DYNC2H1: variants seen among roughly 807,000 people sequenced by gnomAD.
The protein encoded by DYNC2H1 is dynein cytoplasmic 2 heavy chain 1, also known as cytoplasmic dynein 2 heavy chain 1.
A neutral mutation model predicts 570.0 loss-of-function variants in DYNC2H1; 410 were observed. That is an observed-to-expected ratio of 0.72 (90% CI 0.66 to 0.78). DYNC2H1 has a LOEUF of 0.78. Among genes scored for constraint, DYNC2H1 ranks in the 30% least tolerant of loss-of-function variants. The pLI, the probability that DYNC2H1 is intolerant of heterozygous loss-of-function variation, is 0.00. For synonymous variants in DYNC2H1, 1,688 were observed against 1,677.6 expected (o/e 1.01, Z -0.15); for missense variants, 4,865 against 5,046.4 (o/e 0.96, Z 1.09).
intron 83 of DYNC2H1, among the ~76,000 whole-genome samples, chr11:103,376,278 A>G (rs1441425118): frequency 1.3e-5 from 2 of 152,214 alleles, no homozygotes; most frequent in African/African-American, 4.8e-5. Flanking sequence ...TAGCAATGTG[A>G]GAACAGACTA....
chr11:103,173,128 C>T lies in DYNC2H1; in HGVS notation c.5381C>T (p.Ala1794Val), dbSNP rs548041511. 1 of 1,497,756 alleles carries T rather than the reference C, an allele frequency of 6.7e-7. No individual in the cohort carries two copies. Among genetic ancestry groups the T allele is most frequent in the African/African-American group, 1.4e-5 (1 of 70,338 alleles). The allele number at this position is 1,497,756 out of a possible 1,614,324, so 92.8% of individuals were successfully genotyped here. The change falls in exon 35 of 89, where the codon GCT (alanine) becomes GTT (valine). Residue 1794 changes from alanine to valine, a missense_variant. By Grantham distance (64) the Ala-to-Val change is moderately conservative. Transcript: ENST00000375735. ...NSGIFITMNP[A>V]GKGYGGRQKL... Reference sequence around the variant, plus strand: ...GGAATTTTTATCACTATGAATCCTGCTGGAAAAGGTTATGGAGGAAGACAA... The same window carrying T: ...GGAATTTTTATCACTATGAATCCTGTTGGAAAAGGTTATGGAGGAAGACAA...
rs554132464 is a variant in DYNC2H1, at chr11:103,299,373, T to C, written c.11096-3720T>C. ...ATCAGGTTTAAACAATGCCCAGTTA[T>C]CATCTTCTGCAGGTCAGAAACCTGA... On this transcript the variant is annotated intron_variant, in intron 75 of 88. Transcript: ENST00000375735. The surrounding 1 kb of genome is among the most constrained non-coding windows in gnomAD (Gnocchi z 4.5). Among the ~76,000 whole-genome samples the C allele has an allele frequency of 2.0e-5, 3 of 152,272 alleles. No homozygotes were observed. The South Asian group carries it at 6.2e-4, about 32-fold the overall frequency.
chr11:103,397,179 C>G (rs1315960247), intron 83 of DYNC2H1, among the ~76,000 whole-genome samples: 1 of 152,130 alleles, frequency 6.6e-6, no homozygotes, highest in African/African-American at 2.4e-5. Flanking sequence ...AAACCTTATT[C>G]CCTCCTAGCA....
At chr11:103,212,520 A>C (rs1863197900) in intron 54 of DYNC2H1, among the ~76,000 whole-genome samples, 1 of 152,078 alleles carries the variant, frequency 6.6e-6, no homozygotes, top group Middle Eastern at 3.2e-3. Flanking sequence ...ATATTTTATA[A>C]TAACCTTTAA....
chr11:103,310,354 T>G (rs1867518089), intron 78 of DYNC2H1, among the ~76,000 whole-genome samples: 1 of 152,134 alleles, frequency 6.6e-6, no homozygotes, highest in Non-Finnish European at 1.5e-5. Flanking sequence ...AGTCTGAATT[T>G]GCAGCTTAAT....
intron 65 of DYNC2H1, among the ~76,000 whole-genome samples, chr11:103,247,226 A>C (rs753373613): frequency 6.6e-5 from 10 of 152,018 alleles, no homozygotes; most frequent in Non-Finnish European, 1.2e-4. Context: ...TGGTTGTTTT[A>C]TTTCCATGTT....
intron 83 of DYNC2H1, 43 bp downstream of exon 83, chr11:103,358,402 C>G: frequency 1.5e-6 from 2 of 1,321,080 alleles, no homozygotes; most frequent in Non-Finnish European, 2.1e-6. Flanking sequence ...CTTTTTCTCC[C>G]GCATCGTAAC....
chr11:103,369,570 G>A lies in DYNC2H1; in HGVS notation c.12156+11211G>A, dbSNP rs1041780716. Among the ~76,000 whole-genome samples, 3 of 152,154 alleles carry A rather than the reference G, an allele frequency of 2.0e-5. No individual in the cohort carries two copies. Among genetic ancestry groups the A allele is most frequent in the Non-Finnish European group, 4.4e-5 (3 of 68,038 alleles). Reference sequence around the variant, plus strand: ...AAACAGACTCTTTCCTTCTGTTTGAGGAGAGGAGGGTAAAAAGTGGGGAGG... The same window carrying A: ...AAACAGACTCTTTCCTTCTGTTTGAAGAGAGGAGGGTAAAAAGTGGGGAGG... On this transcript the variant is annotated intron_variant, in intron 83 of 88. Coordinates refer to ENST00000375735, the MANE Select transcript of DYNC2H1 (RefSeq NM_001377.3). This position sits in a 1 kb window ranked among gnomAD's most constrained non-coding sequence, Gnocchi z 4.0.
At chr11:103,297,218 G>A (rs981836022) in intron 75 of DYNC2H1, among the ~76,000 whole-genome samples, 1 of 151,942 alleles carries the variant, frequency 6.6e-6, no homozygotes, top group East Asian at 1.9e-4. Flanking sequence ...AATGTGATCA[G>A]TACAGAACTT....
chr11:103,148,862 GC>G (rs1417602782), intron 20 of DYNC2H1, among the ~76,000 whole-genome samples: 1 of 152,066 alleles, frequency 6.6e-6, no homozygotes, highest in Non-Finnish European at 1.5e-5. Flanking sequence ...TTCAAGACCA[GC>G]CTGACCAACA....
rs772321133 is a variant in DYNC2H1, at chr11:103,170,910, C to G, written c.5176C>G (p.Arg1726Gly). The change falls in exon 34 of 89, where the codon CGA becomes GGA. Residue 1726 changes from arginine (R) to glycine (G), a missense_variant. Arg to Gly is a moderately radical substitution (Grantham distance 125). Transcript: ENST00000375735. This position sits in a 1 kb window ranked among gnomAD's most constrained non-coding sequence, Gnocchi z 4.8. The part of the protein sequence containing the change: ...DEGIDVKSMG[R>G]IFVGLVKCGA... ...GGGCATCGATGTGAAGTCAATGGGA[C>G]GAATATTTGTTGGTTTGGTGAAGTG... is the stretch of plus-strand genomic sequence containing the variant. 1.3e-6 allele frequency: 2 copies of G among 1,571,104 alleles called. No homozygotes were observed. The highest frequency in any genetic ancestry group is 2.3e-5 in the East Asian group (1 of 44,050).
At chr11:103,165,230 C>T (rs1197484827) in intron 30 of DYNC2H1, among the ~76,000 whole-genome samples, 1 of 152,168 alleles carries the variant, frequency 6.6e-6, no homozygotes, top group Non-Finnish European at 1.5e-5. Flanking sequence ...CAGGCTCAAG[C>T]GATTCTCGTG....
intron 55 of DYNC2H1, among the ~76,000 whole-genome samples, chr11:103,216,441 T>C (rs1310477918): frequency 6.6e-6 from 1 of 152,154 alleles, no homozygotes; most frequent in East Asian, 1.9e-4. Flanking sequence ...TACATATAAC[T>C]GTTTTCAAAT....
chr11:103,272,434 G>A (rs1008767416), intron 70 of DYNC2H1, among the ~76,000 whole-genome samples: 1 of 152,014 alleles, frequency 6.6e-6, no homozygotes, highest in Non-Finnish European at 1.5e-5. Flanking sequence ...GGGGTGGGGG[G>A]ATGGGGGAGG....
intron 83 of DYNC2H1, among the ~76,000 whole-genome samples, chr11:103,380,078 A>G (rs1941576006): frequency 6.6e-6 from 1 of 152,214 alleles, no homozygotes; most frequent in South Asian, 2.1e-4. Context: ...GCTAAACTTA[A>G]TAGAATAATT....
chr11:103,371,375 G>C (rs1346965335), intron 83 of DYNC2H1, among the ~76,000 whole-genome samples: 1 of 152,008 alleles, frequency 6.6e-6, no homozygotes, highest in Non-Finnish European at 1.5e-5. Context: ...AGAGATAGAG[G>C]TAGAAAGTTT....
At position 103,257,814 on chromosome 11, in the gene DYNC2H1, A is replaced by G. The variant is rs1384017639; in HGVS notation, c.10605+63A>G. The stretch of plus-strand genomic sequence containing the variant: ...CAGGGATTACTTTACTAGGGATAGT[A>G]CTTAATTTATAATAAAAATTATTAA... On this transcript the variant is annotated intron_variant, in intron 69 of 88. Coordinates refer to ENST00000375735, the MANE Select transcript of DYNC2H1 (RefSeq NM_001377.3). 4 of 1,288,544 alleles carry G rather than the reference A, an allele frequency of 3.1e-6. No individual in the cohort carries two copies. The East Asian group carries it at 8.7e-5, about 28-fold the overall frequency. The allele number at this position is 1,288,544 out of a possible 1,614,324, so 79.8% of individuals were successfully genotyped here. A position where few individuals can be genotyped will look rare whatever the true frequency, so the allele number is the denominator to read the frequency against.
intron 81 of DYNC2H1, among the ~76,000 whole-genome samples, chr11:103,321,841 CCTAT>C (rs1312738785): frequency 1.3e-5 from 2 of 151,946 alleles, no homozygotes; most frequent in Admixed American, 6.6e-5. Context: ...TTGCCATAAA[CCTAT>C]CTGTGTATAA....
At chr11:103,222,228 G>C (rs1863615651) in intron 58 of DYNC2H1, 75 bp downstream of exon 58, 2 of 1,040,256 alleles carry the variant, frequency 1.9e-6, no homozygotes, top group East Asian at 5.5e-5. Context: ...GTGGTGCTTT[G>C]TCATTGCCAA....
Sources: allele counts gnomAD v4.1 joint callset (sites outside exome capture counted in the v4.1 genomes callset), GRCh38; gene constraint gnomAD v4.1.1; non-coding constraint Gnocchi (gnomAD v3.1); transcripts MANE v1.5; gene names NCBI Gene and HGNC (gene_info 2026-07-23, HGNC 2026-07-21).